SLC2A13: variants seen among roughly 807,000 people sequenced by gnomAD.
SLC2A13 encodes proton myo-inositol cotransporter.
SLC2A13 carries 32 observed loss-of-function variants against 64.4 expected under a neutral mutation model. The ratio of observed to expected loss-of-function variants is 0.50; its 90% CI spans 0.37 to 0.67. The LOEUF is 0.67. SLC2A13 is among the 30% of genes least tolerant of loss of function. The pLI, the probability that SLC2A13 is intolerant of heterozygous loss-of-function variation, is 0.00. For missense variants in SLC2A13, 743 were observed against 829.2 expected (o/e 0.90, Z 1.28); for synonymous variants, 338 against 327.1 (o/e 1.03, Z -0.36).
chr12:40,048,640 T>C (rs527712910), intron 1 of SLC2A13, among the ~76,000 whole-genome samples: 1 of 152,154 alleles, frequency 6.6e-6, no homozygotes, highest in African/African-American at 2.4e-5. Context: ...TTCAAAGACA[T>C]AGTTAGATGC....
chr12:39,969,815 T>A (rs1265776599), intron 3 of SLC2A13, among the ~76,000 whole-genome samples: 1 of 152,146 alleles, frequency 6.6e-6, no homozygotes, highest in African/African-American at 2.4e-5. Flanking sequence ...TAGATCCCAT[T>A]TGTCAATTTT....
At chr12:39,938,112 G>A (rs183036357) in intron 4 of SLC2A13, among the ~76,000 whole-genome samples, 8 of 152,192 alleles carry the variant, frequency 5.3e-5, no homozygotes, top group Non-Finnish European at 2.9e-5. Context: ...CAAACGCCTG[G>A]GACTTTATAA....
At chr12:39,833,167 T>C (rs1449383063) in intron 6 of SLC2A13, among the ~76,000 whole-genome samples, 1 of 152,124 alleles carries the variant, frequency 6.6e-6, no homozygotes, top group Non-Finnish European at 1.5e-5. Context: ...AACACAGCCA[T>C]GTCCATTTCT....
chr12:39,871,640 T>C (rs78698425), intron 5 of SLC2A13, among the ~76,000 whole-genome samples, 158 bp downstream of exon 5: 3 of 145,336 alleles, frequency 2.1e-5, no homozygotes, highest in Non-Finnish European at 4.5e-5. Context: ...TTAAAAGCTC[T>C]TTTTTTTTTC....
intron 4 of SLC2A13, among the ~76,000 whole-genome samples, chr12:39,900,030 T>G (rs1945042066): frequency 6.6e-6 from 1 of 152,058 alleles, no homozygotes; most frequent in Non-Finnish European, 1.5e-5. Context: ...GCAAGGCTGG[T>G]TCATTATATG....
intron 1 of SLC2A13, among the ~76,000 whole-genome samples, chr12:40,051,438 T>C (rs1227291693): frequency 6.6e-6 from 1 of 152,140 alleles, no homozygotes; most frequent in Non-Finnish European, 1.5e-5. Flanking sequence ...AGCTGGGCAC[T>C]GTGTTTAGCA....
At chr12:40,016,666 ATCTATTG>A (rs1324856268) in intron 3 of SLC2A13, among the ~76,000 whole-genome samples, 1 of 152,196 alleles carries the variant, frequency 6.6e-6, no homozygotes, top group Non-Finnish European at 1.5e-5. Flanking sequence ...CTGAATTATA[ATCTATTG>A]TCTAGAGTTA....
chr12:39,964,134 CTA>C (rs760142970), intron 3 of SLC2A13, among the ~76,000 whole-genome samples: 14 of 152,066 alleles, frequency 9.2e-5, no homozygotes, highest in Non-Finnish European at 1.9e-4. Context: ...TATCCCAGAA[CTA>C]TATATATAAA....
chr12:39,844,152 A>T lies in SLC2A13; in HGVS notation c.1320-13924T>A, dbSNP rs193043312. ...GTCCCTAAAAAGCTGTGCAACACAC[A>T]TGCCTCCTTCCAATATAGTTAACTA... On this transcript the variant is annotated intron_variant, in intron 6 of 9. Transcript: ENST00000280871. Among the ~76,000 whole-genome samples, 4 of 152,208 alleles carry T rather than the reference A, an allele frequency of 2.6e-5. No individual in the cohort carries two copies. The East Asian group carries it at 7.7e-4, about 29-fold the overall frequency.
chr12:40,060,381 T>C (rs2136251101), intron 1 of SLC2A13, among the ~76,000 whole-genome samples: 1 of 152,300 alleles, frequency 6.6e-6, no homozygotes, highest in South Asian at 2.1e-4. Context: ...CCCAAAATCC[T>C]AAGGTTTTCT....
At chr12:40,011,396 A>T (rs1187228851) in intron 3 of SLC2A13, among the ~76,000 whole-genome samples, 1 of 152,166 alleles carries the variant, frequency 6.6e-6, no homozygotes, top group African/African-American at 2.4e-5. Flanking sequence ...AGGAGCTTTC[A>T]GTTTCTAATA....
rs557161182 is a variant in SLC2A13 at position 39,988,403 on chromosome 12, T to C, written c.926-37038A>G. Among the ~76,000 whole-genome samples, 14 of 152,020 alleles carry C rather than the reference T, an allele frequency of 9.2e-5. No homozygotes were observed. The East Asian group carries it at 2.5e-3, about 27-fold the overall frequency. On this transcript the variant is annotated intron_variant, in intron 3 of 9. Coordinates refer to ENST00000280871, the MANE Select transcript of SLC2A13 (RefSeq NM_052885.4). ...GGTGGAAAATAAAGATCTTTTCATA[T>C]ATCTATTAGTCAGATATGTTACTTA...
intron 4 of SLC2A13, among the ~76,000 whole-genome samples, chr12:39,896,356 A>ATG (rs1241358183): frequency 7.4e-6 from 1 of 135,422 alleles, no homozygotes; most frequent in African/African-American, 3.1e-5. Flanking sequence ...ATGTATGTAT[A>ATG]TGTGTATATA....
chr12:39,910,741 T>C (rs1945409789), intron 4 of SLC2A13, among the ~76,000 whole-genome samples: 1 of 152,050 alleles, frequency 6.6e-6, no homozygotes, highest in Non-Finnish European at 1.5e-5. Context: ...TGTGGTTTAA[T>C]TAATTGGTTA....
chr12:40,080,749 G>T (rs576105434), intron 1 of SLC2A13, among the ~76,000 whole-genome samples: 106 of 152,308 alleles, frequency 7.0e-4, no homozygotes, highest in African/African-American at 2.5e-3. Flanking sequence ...TCAACATGTT[G>T]TTAGTAGGTT....
intron 4 of SLC2A13, among the ~76,000 whole-genome samples, chr12:39,941,445 A>AT (rs955882533): frequency 6.6e-6 from 1 of 151,860 alleles, no homozygotes; most frequent in South Asian, 2.1e-4. Flanking sequence ...CTGTTTTTTG[A>AT]TTTTTTGATC....
chr12:39,762,513 T>C lies in SLC2A13; in HGVS notation c.1720+1947A>G, dbSNP rs534057036. Among the ~76,000 whole-genome samples, 146 of 152,212 alleles carry C rather than the reference T, an allele frequency of 9.6e-4. 2 individuals are homozygous for C. The highest frequency in any genetic ancestry group is 3.2e-3 in the African/African-American group (133 of 41,554). On this transcript the variant is annotated intron_variant, in intron 9 of 9. Transcript: ENST00000280871. Reference sequence around the variant, plus strand: ...TGGCATATTGGTGATATAGCAATGATACTTTTTAGTAATAAACATTATTGA... The same window carrying C: ...TGGCATATTGGTGATATAGCAATGACACTTTTTAGTAATAAACATTATTGA...
In SLC2A13 at chr12:39,984,263, A is replaced by G. The variant is rs1007236314; in HGVS notation, c.926-32898T>C. 1.6e-4 allele frequency among the ~76,000 whole-genome samples: 24 copies of G among 151,982 alleles called. 1 individual carries two copies. Among genetic ancestry groups the G allele is most frequent in the African/African-American group, 5.3e-4 (22 of 41,376 alleles). On this transcript the variant is annotated intron_variant, in intron 3 of 9. Coordinates refer to ENST00000280871, the MANE Select transcript of SLC2A13 (RefSeq NM_052885.4). ...GTTAGTGGGTGCAGTGCACCAGCAC[A>G]GCACATGTATACATATGTAACTAAC...
intron 4 of SLC2A13, 87 bp downstream of exon 4, chr12:39,951,170 A>C: frequency 8.8e-7 from 1 of 1,136,880 alleles, no homozygotes. Context: ...CACTGAGTCT[A>C]GTATTTACAT....
Sources: gnomAD v4.1 joint callset for allele counts (sites outside exome capture counted in the v4.1 genomes callset) on GRCh38, gnomAD v4.1.1 for gene constraint, MANE v1.5 for transcripts, NCBI Gene and HGNC (gene_info 2026-07-23, HGNC 2026-07-21) for gene names.